SCAPER: variants seen among roughly 807,000 people sequenced by gnomAD.
SCAPER encodes the protein S phase cyclin A-associated protein in the endoplasmic reticulum.
SCAPER carries 98 observed loss-of-function variants against 182.2 expected under a neutral mutation model. The observed-to-expected ratio is 0.54, with a 90% CI of 0.46 to 0.64. The LOEUF (loss-of-function observed/expected upper bound fraction) is 0.64, where lower values mean the gene tolerates loss of function less well. SCAPER is among the 30% of genes least tolerant of loss of function. The probability of loss-of-function intolerance (pLI) is 0.00; values close to 1 mark genes in which losing one functional copy is unlikely to be tolerated. For missense variants in SCAPER, 1,432 were observed against 1,690.0 expected (o/e 0.85, Z 2.68); for synonymous variants, 605 against 564.6 (o/e 1.07, Z -1.01).
chr15:76,784,902 T>C (rs1018166998), intron 8 of SCAPER, among the ~76,000 whole-genome samples: 21 of 152,190 alleles, frequency 1.4e-4, no homozygotes, highest in African/African-American at 5.1e-4. Context: ...AAGACTTAAA[T>C]GTTAGACCTA....
In SCAPER at chr15:76,795,400, T is replaced by C. The variant is rs1201947704; in HGVS notation, c.652A>G (p.Thr218Ala). 1.3e-5 allele frequency: 21 copies of C among 1,608,460 alleles called. No homozygotes were observed. In the South Asian group the frequency reaches 2.1e-4, roughly 16 times the overall value. Residue 218 changes from threonine (T) to alanine (A), a missense_variant, in exon 8 of 32, where the codon ACA becomes GCA. This residue lies in a region of SCAPER where 480 missense variants were observed against 510.2 expected (regional missense o/e 0.94). Transcript: ENST00000563290. ...GTVPAPRLAP[T>A]GVSWADKVKA... ...ACCTTGTCAGCCCAACTGACACCTGTGGGAGCCAGACGAGGAGCTGGCACT... is the reference window on the plus strand; with the variant it reads ...ACCTTGTCAGCCCAACTGACACCTGCGGGAGCCAGACGAGGAGCTGGCACT...
intron 25 of SCAPER, among the ~76,000 whole-genome samples, chr15:76,465,805 AAC>A (rs2049563545): frequency 1.3e-5 from 2 of 152,088 alleles, no homozygotes; most frequent in Admixed American, 6.6e-5. Context: ...CAGTTTTTCC[AAC>A]ACAGTTTATT....
In SCAPER at chr15:76,765,554, A is replaced by G. The variant is rs1307261392; in HGVS notation, c.1495+9T>C. On this transcript the variant is annotated intron_variant, in intron 12 of 31. Coordinates refer to ENST00000563290, the MANE Select transcript of SCAPER (RefSeq NM_020843.4). ...TGTACTACACACCCAATATGCATAT[A>G]CACAATACCTTCATAATCTGCAAGG... 2 of 1,600,882 alleles carry G rather than the reference A, an allele frequency of 1.2e-6. No individual in the cohort carries two copies. Among genetic ancestry groups the G allele is most frequent in the Non-Finnish European group, 8.5e-7 (1 of 1,172,618 alleles).
intron 2 of SCAPER, among the ~76,000 whole-genome samples, chr15:76,872,670 T>G (rs1211506820): frequency 6.6e-6 from 1 of 151,654 alleles, no homozygotes. Context: ...TACTACATTA[T>G]GTACTATACA....
chr15:76,819,749 G>C (rs1171424475), intron 5 of SCAPER, among the ~76,000 whole-genome samples: 5 of 152,168 alleles, frequency 3.3e-5, no homozygotes, highest in African/African-American at 9.7e-5. Flanking sequence ...ACTTTGACCA[G>C]TTGAGAGAGG....
intron 5 of SCAPER, among the ~76,000 whole-genome samples, chr15:76,824,296 G>A (rs547006927): frequency 2.0e-5 from 3 of 152,344 alleles, no homozygotes; most frequent in African/African-American, 7.2e-5. Context: ...TGGCTGCAAC[G>A]GATTTGATTG....
chr15:76,864,480 TG>T (rs2072115991), intron 2 of SCAPER, among the ~76,000 whole-genome samples: 1 of 152,194 alleles, frequency 6.6e-6, no homozygotes, highest in Non-Finnish European at 1.5e-5. Context: ...CATCTTCACC[TG>T]GGAGTATGTT....
chr15:76,869,040 G>A (rs1165436173), intron 2 of SCAPER, among the ~76,000 whole-genome samples: 1 of 152,172 alleles, frequency 6.6e-6, no homozygotes, highest in Non-Finnish European at 1.5e-5. Flanking sequence ...AATAAATGGT[G>A]CTGGGAAAAC....
chr15:76,730,538 ACAAT>A (rs1188796097), intron 16 of SCAPER, among the ~76,000 whole-genome samples: 2 of 152,126 alleles, frequency 1.3e-5, no homozygotes, highest in Non-Finnish European at 2.9e-5. Context: ...AAGAGTAAAA[ACAAT>A]CAAATCTGGC....
chr15:76,365,238 GAC>G (rs1349475650), intron 29 of SCAPER, among the ~76,000 whole-genome samples: 4 of 152,216 alleles, frequency 2.6e-5, no homozygotes, highest in Non-Finnish European at 5.9e-5. Flanking sequence ...CACATGGTTT[GAC>G]ACAGTGTGGG....
intron 8 of SCAPER, among the ~76,000 whole-genome samples, chr15:76,792,924 G>C (rs2065091495): frequency 2.6e-5 from 4 of 152,188 alleles, no homozygotes; most frequent in Admixed American, 2.6e-4. Context: ...ATAGATATTG[G>C]GAGTATTCAG....
intron 24 of SCAPER, among the ~76,000 whole-genome samples, chr15:76,501,936 T>C (rs567666583): frequency 1.4e-4 from 21 of 152,338 alleles, no homozygotes; most frequent in Admixed American, 2.6e-4. Context: ...TACATTTAAA[T>C]CTGAAGTGGT....
intron 24 of SCAPER, among the ~76,000 whole-genome samples, chr15:76,504,155 T>C (rs2468130): frequency 0.3 from 45,713 of 152,008 alleles, 7,996 homozygotes; most frequent in East Asian, 0.58. Context: ...CCCAAAGTGC[T>C]GGGATCATAG....
intron 22 of SCAPER, among the ~76,000 whole-genome samples, chr15:76,606,214 T>A (rs2050381195): frequency 6.6e-6 from 1 of 152,226 alleles, no homozygotes; most frequent in South Asian, 2.1e-4. Context: ...GATTTTGGTA[T>A]GTTGTGTCTT....
intron 21 of SCAPER, among the ~76,000 whole-genome samples, chr15:76,665,403 G>A (rs2056495893): frequency 1.3e-5 from 2 of 152,150 alleles, no homozygotes; most frequent in South Asian, 4.1e-4. Context: ...TGCTGGAGGA[G>A]GCACAAGTTT....
At chr15:76,467,244 C>A (rs2049750803) in intron 25 of SCAPER, among the ~76,000 whole-genome samples, 1 of 152,124 alleles carries the variant, frequency 6.6e-6, no homozygotes, top group South Asian at 2.1e-4. Context: ...CAGACTAATA[C>A]ACATTGCACG....
At chr15:76,453,673 T>C (rs1312107194) in intron 25 of SCAPER, among the ~76,000 whole-genome samples, 1 of 152,234 alleles carries the variant, frequency 6.6e-6, no homozygotes, top group Non-Finnish European at 1.5e-5. Flanking sequence ...GTTTTTTCAC[T>C]AGAAAGTTAC....
rs117006699 is a variant in SCAPER at position 76,591,496 on chromosome 15, C to G, written c.2712-17212G>C. Among the ~76,000 whole-genome samples, 51 of 152,286 alleles carry G rather than the reference C, an allele frequency of 3.3e-4. 1 individual carries two copies. In the East Asian group the frequency reaches 9.7e-3, roughly 29 times the overall value. On this transcript the variant is annotated intron_variant, in intron 22 of 31. Coordinates refer to ENST00000563290, the MANE Select transcript of SCAPER (RefSeq NM_020843.4). Reference sequence around the variant, plus strand: ...CATATTTTTGAGACAGGGTCTCGCTCTGTTGCCCAGGTTGGAGTGCAGAGG... The same window carrying G: ...CATATTTTTGAGACAGGGTCTCGCTGTGTTGCCCAGGTTGGAGTGCAGAGG...
intron 30 of SCAPER, among the ~76,000 whole-genome samples, chr15:76,351,618 A>G (rs2040554463): frequency 6.6e-6 from 1 of 152,230 alleles, no homozygotes; most frequent in African/African-American, 2.4e-5. Context: ...ACAAATATGA[A>G]AGCTCTATGT....
Sources: gnomAD v4.1 joint callset for allele counts (sites outside exome capture counted in the v4.1 genomes callset) on GRCh38, gnomAD v4.1.1 for gene constraint, gnomAD v4.1.1 regional missense constraint, MANE v1.5 for transcripts, NCBI Gene and HGNC (gene_info 2026-07-23, HGNC 2026-07-21) for gene names.